CALN1: variants seen among roughly 807,000 people sequenced by gnomAD.
CALN1 encodes calneuron 1, also known as calcium-binding protein 8.
A neutral mutation model predicts 30.6 loss-of-function variants in CALN1; 17 were observed. The observed-to-expected ratio is 0.56, with a 90% CI of 0.38 to 0.83. The LOEUF (loss-of-function observed/expected upper bound fraction) is 0.83. Among genes scored for constraint, CALN1 ranks in the 40% least tolerant of loss-of-function variants. The pLI, the probability that CALN1 is intolerant of heterozygous loss-of-function variation, is 0.00. For missense variants in CALN1, 291 were observed against 354.9 expected, an observed-to-expected ratio of 0.82 and a Z score of 1.45; for synonymous variants, 156 against 131.4, an observed-to-expected ratio of 1.19 and a Z score of -1.28.
intron 2 of CALN1, among the ~76,000 whole-genome samples, chr7:72,393,468 A>C (rs1052015380): frequency 6.6e-6 from 1 of 152,096 alleles, no homozygotes; most frequent in African/African-American, 2.4e-5. Flanking sequence ...CGTCTCAAAA[A>C]ACAAAACAAA....
At chr7:71,999,071 C>T (rs77670065) in intron 5 of CALN1, among the ~76,000 whole-genome samples, 9,135 of 152,134 alleles carry the variant, frequency 0.06, 810 homozygotes, top group East Asian at 0.32. Flanking sequence ...GAGACACAAT[C>T]CAATTTTATG....
intron 2 of CALN1, among the ~76,000 whole-genome samples, chr7:72,288,044 A>G (rs893742938): frequency 1.3e-5 from 2 of 151,834 alleles, no homozygotes; most frequent in Non-Finnish European, 3.0e-5. Flanking sequence ...AATATTTATT[A>G]TCTCAGGTTC....
intron 5 of CALN1, among the ~76,000 whole-genome samples, chr7:71,856,997 C>T (rs1310997720): frequency 7.0e-6 from 1 of 143,684 alleles, no homozygotes; most frequent in African/African-American, 2.6e-5. Context: ...CTGTAGACAA[C>T]CTCATGGTGT....
At chr7:72,191,066 T>C (rs1245917705) in intron 3 of CALN1, among the ~76,000 whole-genome samples, 3 of 152,224 alleles carry the variant, frequency 2.0e-5, no homozygotes, top group East Asian at 1.9e-4. Flanking sequence ...AAGACGTAGT[T>C]ACTGCTTTTG....
At chr7:71,825,637 C>T (rs770244164) in intron 5 of CALN1, among the ~76,000 whole-genome samples, 4 of 152,050 alleles carry the variant, frequency 2.6e-5, no homozygotes, top group Non-Finnish European at 5.9e-5. Context: ...CTGCCAAGAA[C>T]AGAGAGACAG....
At chr7:72,327,383 G>A (rs1439747144) in intron 2 of CALN1, among the ~76,000 whole-genome samples, 1 of 152,204 alleles carries the variant, frequency 6.6e-6, no homozygotes, top group Non-Finnish European at 1.5e-5. Flanking sequence ...CAGCTACTCA[G>A]GAGGCTGACG....
intron 5 of CALN1, among the ~76,000 whole-genome samples, chr7:71,890,966 C>T (rs1046042471): frequency 9.9e-5 from 15 of 151,940 alleles, no homozygotes; most frequent in African/African-American, 3.1e-4. Flanking sequence ...AGCCTAGTTG[C>T]GAACTCCTGG....
intron 2 of CALN1, among the ~76,000 whole-genome samples, chr7:72,310,432 C>T (rs1338781125): frequency 1.3e-5 from 2 of 150,428 alleles, no homozygotes; most frequent in African/African-American, 2.5e-5. Flanking sequence ...TGCAGCAGTG[C>T]TAATATCAGT....
chr7:72,165,055 C>T (rs1788428043), intron 3 of CALN1, among the ~76,000 whole-genome samples: 1 of 152,128 alleles, frequency 6.6e-6, no homozygotes, highest in Non-Finnish European at 1.5e-5. Context: ...TCAAATTGTG[C>T]ACCAAAGCCC....
At chr7:71,960,178 T>TAAATA (rs1554397053) in intron 5 of CALN1, among the ~76,000 whole-genome samples, 64 of 77,996 alleles carry the variant, frequency 8.2e-4, no homozygotes, top group African/African-American at 2.9e-3. Context: ...AATAAATAAA[T>TAAATA]AAATAAAATA....
intron 6 of CALN1, among the ~76,000 whole-genome samples, chr7:71,807,854 T>C (rs1030443972): frequency 1.2e-4 from 18 of 152,208 alleles, no homozygotes; most frequent in African/African-American, 4.1e-4. Context: ...GGTGGGCGGA[T>C]TACGAGGTCA....
At chr7:72,381,969 G>GT (rs1224466029) in intron 2 of CALN1, among the ~76,000 whole-genome samples, 1 of 152,186 alleles carries the variant, frequency 6.6e-6, no homozygotes, top group African/African-American at 2.4e-5. Context: ...TGATTAAAGA[G>GT]TAAGTATGAA....
intron 5 of CALN1, among the ~76,000 whole-genome samples, chr7:71,897,978 A>C (rs1391258465): frequency 5.1e-5 from 6 of 118,650 alleles, no homozygotes; most frequent in East Asian, 2.7e-4. Flanking sequence ...AAAACAAAAA[A>C]AAAAAAAAAA....
chr7:72,216,520 T>A (rs1792827973), intron 3 of CALN1, among the ~76,000 whole-genome samples: 1 of 152,012 alleles, frequency 6.6e-6, no homozygotes, highest in African/African-American at 2.4e-5. Context: ...ATAGGGTGCA[T>A]CCCAAGCGTA....
intron 5 of CALN1, among the ~76,000 whole-genome samples, chr7:71,907,813 G>A (rs1179306410): frequency 1.3e-5 from 2 of 152,138 alleles, no homozygotes; most frequent in African/African-American, 2.4e-5. Flanking sequence ...AATGTGCAGA[G>A]CACACACTTC....
At chr7:72,069,292 G>GT (rs1350667943) in intron 4 of CALN1, among the ~76,000 whole-genome samples, 1 of 152,202 alleles carries the variant, frequency 6.6e-6, no homozygotes, top group African/African-American at 2.4e-5. Context: ...GTGGATGGGT[G>GT]TAATGAGGTG....
intron 5 of CALN1, among the ~76,000 whole-genome samples, chr7:71,958,065 C>CAAAAAAAAAAAAAAAAAAAAAAAA (rs56355838): frequency 3.2e-5 from 3 of 93,872 alleles, no homozygotes; most frequent in Non-Finnish European, 6.2e-5. Flanking sequence ...AACTCCATCT[C>CAAAAAAAAAAAAAAAAAAAAAAAA]AAAAAAAAAA....
chr7:72,397,630 G>A (rs762837166), intron 2 of CALN1, among the ~76,000 whole-genome samples: 1 of 151,624 alleles, frequency 6.6e-6, no homozygotes, highest in African/African-American at 2.4e-5. Context: ...TTAGGAACAA[G>A]CACATGAAGG....
At chr7:72,391,327 T>A (rs907909844) in intron 2 of CALN1, among the ~76,000 whole-genome samples, 9 of 152,168 alleles carry the variant, frequency 5.9e-5, no homozygotes, top group African/African-American at 1.7e-4. Context: ...CTAATAATGA[T>A]CAGAGGTATC....
Sources: allele counts gnomAD v4.1 joint callset (sites outside exome capture counted in the v4.1 genomes callset), GRCh38; gene constraint gnomAD v4.1.1; transcripts MANE v1.5; gene names NCBI Gene and HGNC (gene_info 2026-07-23, HGNC 2026-07-21).